The following RBFOX1 variants were observed in gnomAD, a reference collection of about 807,000 sequenced individuals.
RBFOX1 encodes the protein RNA binding fox-1 homolog 1.
A neutral mutation model predicts 57.7 loss-of-function variants in RBFOX1; 8 were observed. The ratio of observed to expected loss-of-function variants is 0.14; its 90% confidence interval spans 0.08 to 0.25. The LOEUF is 0.25. Ranked by LOEUF, RBFOX1 falls within the 10% of genes least tolerant of loss-of-function variation. The pLI, the probability that RBFOX1 is intolerant of heterozygous loss-of-function variation, is 1.00. For synonymous variants in RBFOX1, 326 were observed against 222.4 expected (o/e 1.47, Z -4.15); for missense variants, 611 against 548.5 (o/e 1.11, Z -1.14).
intron 2 of RBFOX1, among the ~76,000 whole-genome samples, chr16:6,497,530 A>G (rs1189303261): frequency 1.3e-5 from 2 of 151,582 alleles, no homozygotes; most frequent in East Asian, 1.9e-4. Flanking sequence ...AACCTCCAGT[A>G]TAAATCCTTT....
chr16:6,179,329 G>T (rs548697809), intron 1 of RBFOX1, among the ~76,000 whole-genome samples: 7 of 152,290 alleles, frequency 4.6e-5, no homozygotes, highest in African/African-American at 1.7e-4. Flanking sequence ...CTGGATCTCA[G>T]TTCTCTCTCC....
chr16:5,276,129 C>T (rs1348415967), intron 1 of RBFOX1, among the ~76,000 whole-genome samples: 3 of 152,114 alleles, frequency 2.0e-5, no homozygotes, highest in African/African-American at 7.2e-5. Flanking sequence ...CTTAGGCAAA[C>T]AGTTCATAAC....
rs531685412 is a variant in RBFOX1 at position 5,970,330 on chromosome 16, C to A, written c.351+102995C>A. ...AATTAGAGACTATATGGCCATCATT[C>A]TTCCAGAATTCTAAATATTAAACAC... On this transcript the variant is annotated intron_variant, in intron 4 of 19. Coordinates refer to the RBFOX1 transcript ENST00000641259. 6.6e-5 allele frequency among the ~76,000 whole-genome samples: 10 copies of A among 151,908 alleles called. No homozygotes were observed. In the South Asian group the frequency reaches 1.5e-3, roughly 22 times the overall value.
chr16:5,378,526 A>G (rs1359818125), intron 1 of RBFOX1, among the ~76,000 whole-genome samples: 2 of 151,516 alleles, frequency 1.3e-5, no homozygotes, highest in East Asian at 3.9e-4. Flanking sequence ...TTCTGTGAAT[A>G]GCCTCAGCAG....
chr16:7,586,262 A>G (rs1396426974), intron 6 of RBFOX1, among the ~76,000 whole-genome samples: 5 of 152,148 alleles, frequency 3.3e-5, no homozygotes, highest in Admixed American at 2.6e-4. Flanking sequence ...TACTGTACTC[A>G]AGAAATGGCC....
intron 3 of RBFOX1, among the ~76,000 whole-genome samples, chr16:5,749,910 G>A (rs1157934069): frequency 6.6e-6 from 1 of 152,184 alleles, no homozygotes; most frequent in Non-Finnish European, 1.5e-5. Context: ...TGCTGGTGAG[G>A]AGCTGCGTTC....
At chr16:7,441,416 C>T (rs1484210190) in intron 4 of RBFOX1, among the ~76,000 whole-genome samples, 1 of 152,122 alleles carries the variant, frequency 6.6e-6, no homozygotes, top group East Asian at 1.9e-4. Flanking sequence ...ATGATGTTGC[C>T]TAAGCCTCCC....
chr16:5,485,847 C>G (rs945704935), intron 2 of RBFOX1, among the ~76,000 whole-genome samples: 2 of 152,162 alleles, frequency 1.3e-5, no homozygotes, highest in African/African-American at 4.8e-5. Flanking sequence ...AATCAGGTTC[C>G]TTCTCTGTTA....
intron 5 of RBFOX1, among the ~76,000 whole-genome samples, chr16:7,578,818 C>G (rs2093530207): frequency 6.6e-6 from 1 of 152,170 alleles, no homozygotes; most frequent in African/African-American, 2.4e-5. Context: ...TGTTAAAACT[C>G]TAGAACCGAG....
intron 3 of RBFOX1, among the ~76,000 whole-genome samples, chr16:5,711,143 A>G (rs767723066): frequency 1.3e-5 from 2 of 152,218 alleles, no homozygotes; most frequent in African/African-American, 4.8e-5. Flanking sequence ...GGCATGGGAC[A>G]GTTTATTAAT....
At chr16:5,411,701 A>G (rs725641) in intron 1 of RBFOX1, among the ~76,000 whole-genome samples, 20,894 of 151,078 alleles carry the variant, frequency 0.14, 1,576 homozygotes, top group East Asian at 0.18. Flanking sequence ...GGAGTTTGAG[A>G]CCAGCCTGGG....
At position 6,585,031 on chromosome 16, in the gene RBFOX1, G is replaced by C. The variant is rs545427324; in HGVS notation, c.-63-69572G>C. Among the ~76,000 whole-genome samples the C allele has an allele frequency of 1.0e-3, 152 of 152,246 alleles. 3 individuals carry two copies. The South Asian group carries it at 0.027, about 27-fold the overall frequency. The stretch of plus-strand genomic sequence containing the variant: ...CAAGCGGATTCCCAGGCAGAACCTG[G>C]TCAAGGCTTTGTAGGCATCACTTCT... On this transcript the variant is annotated intron_variant, in intron 2 of 15. Transcript: ENST00000550418.
intron 4 of RBFOX1, among the ~76,000 whole-genome samples, chr16:7,214,715 G>A (rs890240493): frequency 5.3e-5 from 8 of 152,054 alleles, no homozygotes; most frequent in African/African-American, 1.2e-4. Context: ...CGTATACTGC[G>A]CGATCTTTCT....
chr16:7,494,911 T>C (rs182180342), intron 4 of RBFOX1, among the ~76,000 whole-genome samples: 8 of 151,346 alleles, frequency 5.3e-5, no homozygotes, highest in Non-Finnish European at 7.4e-5. Flanking sequence ...GATTGTTACA[T>C]GGGTATATTG....
intron 4 of RBFOX1, among the ~76,000 whole-genome samples, chr16:7,059,554 T>C (rs2053595570): frequency 6.6e-6 from 1 of 152,152 alleles, no homozygotes. Flanking sequence ...TGGCAAAAAA[T>C]GTTCAATGTG....
At chr16:7,089,729 T>C (rs1053178686) in intron 4 of RBFOX1, among the ~76,000 whole-genome samples, 4 of 152,340 alleles carry the variant, frequency 2.6e-5, no homozygotes, top group African/African-American at 2.4e-5. Flanking sequence ...ATTTGTTTCC[T>C]AGTAATTAAT....
intron 2 of RBFOX1, among the ~76,000 whole-genome samples, chr16:5,561,954 C>T (rs1597538857): frequency 6.6e-6 from 1 of 152,184 alleles, no homozygotes; most frequent in Admixed American, 6.5e-5. Flanking sequence ...TTTCCCCTGT[C>T]ATCGGTTCAT....
intron 2 of RBFOX1, among the ~76,000 whole-genome samples, chr16:5,585,208 T>C (rs2046792799): frequency 6.6e-6 from 1 of 152,214 alleles, no homozygotes; most frequent in South Asian, 2.1e-4. Flanking sequence ...TAATCTGTTT[T>C]CTGTCTCTAC....
intron 2 of RBFOX1, among the ~76,000 whole-genome samples, chr16:6,341,950 A>C (rs1167761205): frequency 6.6e-6 from 1 of 152,220 alleles, no homozygotes. Context: ...AGGTCAACTG[A>C]TTAGCAACCT....
Sources: gnomAD v4.1 joint callset for allele counts (sites outside exome capture counted in the v4.1 genomes callset) on GRCh38, gnomAD v4.1.1 for gene constraint, MANE v1.5 for transcripts, NCBI Gene and HGNC (gene_info 2026-07-23, HGNC 2026-07-21) for gene names.